The following SLIT3 variants were observed in gnomAD, a reference collection of about 807,000 sequenced individuals.
The protein encoded by SLIT3 is slit guidance ligand 3.
SLIT3 carries 68 observed loss-of-function variants against 184.0 expected under a neutral mutation model. The ratio of observed to expected loss-of-function variants is 0.37; its 90% CI spans 0.30 to 0.45. SLIT3 has a LOEUF of 0.45. SLIT3 is among the 20% of genes least tolerant of loss of function. SLIT3 has a pLI of 1.00. For missense variants in SLIT3, 1,707 were observed against 2,026.0 expected (o/e 0.84, Z 3.02); for synonymous variants, 831 against 828.6 (o/e 1.00, Z -0.05).
chr5:168,680,553 G>A (rs1761555333), intron 32 of SLIT3, among the ~76,000 whole-genome samples: 1 of 152,248 alleles, frequency 6.6e-6, no homozygotes, highest in Non-Finnish European at 1.5e-5. Context: ...AGCTTTGGCT[G>A]GGCTCCCTGA....
intron 8 of SLIT3, among the ~76,000 whole-genome samples, chr5:168,807,695 G>A (rs1757017774): frequency 6.6e-6 from 1 of 152,096 alleles, no homozygotes; most frequent in Non-Finnish European, 1.5e-5. Flanking sequence ...CTCTGGCTGG[G>A]GGCTCTTAAT....
At chr5:169,227,309 A>G (rs1387091793) in intron 3 of SLIT3, among the ~76,000 whole-genome samples, 1 of 152,242 alleles carries the variant, frequency 6.6e-6, no homozygotes, top group African/African-American at 2.4e-5. Flanking sequence ...TGGTTAATGC[A>G]TATTATGGGG....
chr5:169,257,277 G>A (rs1765991072), intron 1 of SLIT3, among the ~76,000 whole-genome samples: 1 of 152,024 alleles, frequency 6.6e-6, no homozygotes. Flanking sequence ...ATACACTGGA[G>A]GATCCCAGGG....
At chr5:168,683,794 C>T (rs1468749642) in intron 32 of SLIT3, among the ~76,000 whole-genome samples, 172 bp downstream of exon 32, 1 of 152,138 alleles carries the variant, frequency 6.6e-6, no homozygotes, top group Non-Finnish European at 1.5e-5. Context: ...CGCCTTTCTC[C>T]CTCCCACTCA....
At chr5:168,866,168 G>A (rs527822568) in intron 5 of SLIT3, among the ~76,000 whole-genome samples, 2 of 152,330 alleles carry the variant, frequency 1.3e-5, no homozygotes, top group Admixed American at 1.3e-4. Context: ...TGTTTCCAAA[G>A]TGCAGGCGGA....
At chr5:168,804,586 G>T (rs1429748489) in intron 9 of SLIT3, among the ~76,000 whole-genome samples, 1 of 152,146 alleles carries the variant, frequency 6.6e-6, no homozygotes, top group Non-Finnish European at 1.5e-5. Flanking sequence ...AGTATTTGTG[G>T]AAAGGAAGGT....
intron 4 of SLIT3, among the ~76,000 whole-genome samples, chr5:168,913,583 C>T (rs943805045): frequency 2.0e-5 from 3 of 151,918 alleles, no homozygotes; most frequent in East Asian, 1.9e-4. Flanking sequence ...GCCTGGCCAA[C>T]GTGGTAAAAC....
At chr5:169,099,413 C>T (rs1311150475) in intron 4 of SLIT3, among the ~76,000 whole-genome samples, 4 of 152,172 alleles carry the variant, frequency 2.6e-5, no homozygotes, top group Admixed American at 2.6e-4. Flanking sequence ...CTTCCTTCCT[C>T]CTAGCTCCTG....
chr5:168,703,283 A>C, intron 26 of SLIT3, among the ~76,000 whole-genome samples: 1 of 144,174 alleles, frequency 6.9e-6, no homozygotes, highest in East Asian at 2.1e-4. Flanking sequence ...TGTGTGTAGG[A>C]CATGGCCAGG....
intron 4 of SLIT3, among the ~76,000 whole-genome samples, chr5:168,937,574 T>C (rs1482320832): frequency 2.0e-5 from 3 of 152,066 alleles, no homozygotes; most frequent in Admixed American, 6.5e-5. Context: ...TGGATCTAGA[T>C]GGCATTGGCC....
At chr5:168,996,549 A>T (rs570275965) in intron 4 of SLIT3, among the ~76,000 whole-genome samples, 1 of 152,330 alleles carries the variant, frequency 6.6e-6, no homozygotes, top group African/African-American at 2.4e-5. Flanking sequence ...GGGGCTTTGG[A>T]TATAACGTCA....
chr5:168,703,226 TTGTGTGTGTGTGTGTGTGTGTGTG>T lies in SLIT3; in HGVS notation c.2845-2571_2845-2548del, dbSNP rs370363011. On this transcript the variant is annotated intron_variant, in intron 26 of 35. Transcript: ENST00000519560. Reference sequence around the variant, plus strand: ...CACACTTTCTACCCCTCATCCCACTTTGTGTGTGTGTGTGTGTGTGTGTGTGTGTGTGTGTGTGTGTGTGTGTGT... The same window carrying T: ...CACACTTTCTACCCCTCATCCCACTTTGTGTGTGTGTGTGTGTGTGTGTGT... Among the ~76,000 whole-genome samples the T allele has an allele frequency of 1.0e-3, 129 of 126,740 alleles. No individual in the cohort carries two copies. The Middle Eastern group carries it at 0.012, about 12-fold the overall frequency. The allele number at this position is 126,740 out of a possible 152,430, so 83.1% of individuals were successfully genotyped here.
In SLIT3 at chr5:168,696,424, A is replaced by G; in HGVS notation, c.2950T>C (p.Cys984Arg). Reference sequence around the variant, plus strand: ...CGCTGCCCCTCAAAGCCCAGAGGGCAGGAGCAGCTTTGGGATGTGAGGGGT... The same window carrying G: ...CGCTGCCCCTCAAAGCCCAGAGGGCGGGAGCAGCTTTGGGATGTGAGGGGT... ...DSHKDGFSCS[C>R]PLGFEGQRCE... Residue 984 changes from cysteine (C) to arginine (R), a missense_variant, in exon 28 of 36, where the codon TGC becomes CGC. By Grantham distance (180) the Cys-to-Arg change is radical. Transcript: ENST00000519560. The G allele has an allele frequency of 6.2e-7, 1 of 1,614,132 alleles. No homozygotes were observed. Among genetic ancestry groups the G allele is most frequent in the Non-Finnish European group, 8.5e-7 (1 of 1,180,018 alleles).
chr5:168,972,420 G>T (rs1041051040), intron 4 of SLIT3, among the ~76,000 whole-genome samples: 1 of 147,082 alleles, frequency 6.8e-6, no homozygotes, highest in South Asian at 2.1e-4. Context: ...TTTTTGGCTG[G>T]AGCAACTGGG....
At chr5:169,299,589 C>T (rs1767617678) in intron 1 of SLIT3, among the ~76,000 whole-genome samples, 1 of 152,142 alleles carries the variant, frequency 6.6e-6, no homozygotes, top group African/African-American at 2.4e-5. Context: ...TCCCTTACCC[C>T]ACCCCAACTG....
At chr5:168,980,934 G>A (rs1471801928) in intron 4 of SLIT3, among the ~76,000 whole-genome samples, 1 of 152,142 alleles carries the variant, frequency 6.6e-6, no homozygotes, top group South Asian at 2.1e-4. Context: ...CAAAAGCAAT[G>A]GTTACCATCA....
intron 4 of SLIT3, among the ~76,000 whole-genome samples, chr5:169,117,898 T>C (rs1760742128): frequency 6.6e-6 from 1 of 152,212 alleles, no homozygotes; most frequent in Non-Finnish European, 1.5e-5. Flanking sequence ...CAGCGCTTCC[T>C]AAGCACGAAC....
At chr5:168,717,940 A>G (rs7722138) in intron 23 of SLIT3, 92,676 of 152,040 alleles carry the variant, frequency 0.61, 28,329 homozygotes, top group East Asian at 0.79. Flanking sequence ...GATTACAGGC[A>G]TGAACCACCG....
chr5:168,902,970 T>C (rs1760921772), intron 4 of SLIT3, among the ~76,000 whole-genome samples: 1 of 152,110 alleles, frequency 6.6e-6, no homozygotes, highest in Admixed American at 6.5e-5. Flanking sequence ...TATTTGGATA[T>C]GATCTGAGGA....
Sources: allele counts gnomAD v4.1 joint callset (sites outside exome capture counted in the v4.1 genomes callset), GRCh38; gene constraint gnomAD v4.1.1; transcripts MANE v1.5; gene names NCBI Gene and HGNC (gene_info 2026-07-23, HGNC 2026-07-21).